Variants in AJAP1 observed in about 807,000 individuals in gnomAD.
AJAP1 encodes adherens junction-associated protein 1.
A neutral mutation model predicts 35.0 loss-of-function variants in AJAP1; 5 were observed. That is an observed-to-expected ratio of 0.14 (90% CI 0.07 to 0.30). AJAP1 has a LOEUF of 0.30. AJAP1 is among the 10% of genes least tolerant of loss of function. The pLI is 1.00. For synonymous variants in AJAP1, 284 were observed against 249.3 expected (o/e 1.14, Z -1.31); for missense variants, 586 against 571.0 (o/e 1.03, Z -0.27).
chr1:4,662,218 A>C (rs1334845889), intron 1 of AJAP1, among the ~76,000 whole-genome samples: 6 of 152,146 alleles, frequency 3.9e-5, no homozygotes. Context: ...CACCCCTGAT[A>C]AGATCCCTTT....
intron 1 of AJAP1, among the ~76,000 whole-genome samples, chr1:4,658,994 A>G (rs1412204122): frequency 2.6e-5 from 4 of 151,940 alleles, no homozygotes; most frequent in Admixed American, 2.0e-4. Context: ...CCCACACACA[A>G]ATGGGGTGTT....
chr1:4,707,919 C>T (rs561793988), intron 1 of AJAP1, among the ~76,000 whole-genome samples: 10 of 150,030 alleles, frequency 6.7e-5, no homozygotes, highest in Non-Finnish European at 1.2e-4. Context: ...TGTTCTCTGT[C>T]TTTCTGCTTG....
At chr1:4,678,979 G>C (rs11809397) in intron 1 of AJAP1, among the ~76,000 whole-genome samples, 538 of 152,314 alleles carry the variant, frequency 3.5e-3, no homozygotes, top group African/African-American at 0.012. Context: ...GAGATGTTCA[G>C]TAACTTGCAC....
At chr1:4,711,337 T>C (rs1394021700) in intron 1 of AJAP1, among the ~76,000 whole-genome samples, 1 of 152,148 alleles carries the variant, frequency 6.6e-6, no homozygotes, top group African/African-American at 2.4e-5. Context: ...GCGCTCACGC[T>C]GCGAGGTTTC....
chr1:4,715,776 A>G (rs528284801), intron 2 of AJAP1, among the ~76,000 whole-genome samples: 5 of 152,238 alleles, frequency 3.3e-5, no homozygotes, highest in Non-Finnish European at 7.3e-5. Flanking sequence ...GCGCTGAACA[A>G]TTCTCCATAC....
chr1:4,655,330 G>A lies in AJAP1; in HGVS notation c.-96G>A. The A allele has an allele frequency of 8.5e-7, 1 of 1,179,740 alleles. No individual in the cohort carries two copies. The highest frequency in any genetic ancestry group is 3.6e-5 in the Admixed American group (1 of 28,108). The allele number at this position is 1,179,740 out of a possible 1,614,324, so 73.1% of individuals were successfully genotyped here. ...GCGGGAGGCGGCGGACCGAGAGCCG[G>A]AGACCGGCGCCGCGGGACGGAAGCG... On this transcript the variant is annotated 5_prime_UTR_variant, in exon 1 of 6. Coordinates refer to ENST00000378191, the MANE Select transcript of AJAP1 (RefSeq NM_018836.4). The surrounding 1 kb of genome is among the most constrained non-coding windows in gnomAD (Gnocchi z 6.9).
chr1:4,660,688 G>T (rs368379822), intron 1 of AJAP1, among the ~76,000 whole-genome samples: 49 of 152,198 alleles, frequency 3.2e-4, no homozygotes, highest in African/African-American at 1.1e-3. Context: ...GTATTTAACA[G>T]CAGTCAAAGG....
At chr1:4,769,482 G>T (rs1641782030) in intron 2 of AJAP1, among the ~76,000 whole-genome samples, 1 of 152,166 alleles carries the variant, frequency 6.6e-6, no homozygotes, top group Non-Finnish European at 1.5e-5. Context: ...GGGCCATGGG[G>T]AATATCTCAC....
rs533168013 is a variant in AJAP1, at chr1:4,786,831, A to G, written c.*4346A>G. The G allele has an allele frequency of 6.6e-6, 1 of 152,352 alleles. No individual in the cohort carries two copies. The highest frequency in any genetic ancestry group is 1.9e-4 in the East Asian group (1 of 5,182). 9.4% of individuals were successfully genotyped at this position (152,352 alleles called of 1,614,324 possible). ...CTCATACTTATTTCAAGATGGCACC[A>G]GGACACACCTTCTTTTGTCCACCTG... On this transcript the variant is annotated 3_prime_UTR_variant, in exon 6 of 6. Transcript: ENST00000378191.
chr1:4,779,783 G>A (rs1440514591), intron 5 of AJAP1, among the ~76,000 whole-genome samples: 1 of 152,002 alleles, frequency 6.6e-6, no homozygotes, highest in African/African-American at 2.4e-5. Context: ...CTAGCTTCTG[G>A]TGGCCCGAGG....
At chr1:4,705,395 CTTTTTTTTTTTTTTTTTT>C (rs58022692) in intron 1 of AJAP1, among the ~76,000 whole-genome samples, 9 of 23,802 alleles carry the variant, frequency 3.8e-4, no homozygotes, top group Middle Eastern at 0.038. Context: ...TTTTGAAGAG[CTTTTTTTTTTTTTTTTTT>C]TTTTTTTTTT....
Position 4,754,684 on chromosome 1 carries a change from C to T in AJAP1, c.830-15169C>T, listed in dbSNP as rs116363756. ...CTATTTGTTTGTTTCTGTTTGTTTTCGGTGACGGGGCCTCAGTCTTGTGCT... is the reference window on the plus strand; with the variant it reads ...CTATTTGTTTGTTTCTGTTTGTTTTTGGTGACGGGGCCTCAGTCTTGTGCT... On this transcript the variant is annotated intron_variant, in intron 2 of 5. Transcript: ENST00000378191. Among the ~76,000 whole-genome samples, 783 of 152,312 alleles carry T rather than the reference C, an allele frequency of 5.1e-3. 13 individuals are homozygous for T. The highest frequency in any genetic ancestry group is 0.017 in the African/African-American group (713 of 41,570).
intron 1 of AJAP1, among the ~76,000 whole-genome samples, chr1:4,694,662 G>T (rs1570120950): frequency 6.6e-6 from 1 of 152,256 alleles, no homozygotes; most frequent in East Asian, 1.9e-4. Context: ...TGGGCAGGTG[G>T]AGGTAAGGAG....
Position 4,692,442 on chromosome 1 carries a change from G to A in AJAP1, c.30-19458G>A, listed in dbSNP as rs1200413565. Among the ~76,000 whole-genome samples the A allele has an allele frequency of 6.6e-6, 1 of 152,184 alleles. No homozygotes were observed. The highest frequency in any genetic ancestry group is 1.5e-5 in the Non-Finnish European group (1 of 68,022). On this transcript the variant is annotated intron_variant, in intron 1 of 5. Coordinates refer to ENST00000378191, the MANE Select transcript of AJAP1 (RefSeq NM_018836.4). This position sits in a 1 kb window ranked among gnomAD's most constrained non-coding sequence, Gnocchi z 4.4. ...CCTCCGTGGGACTCATCATTACGAG[G>A]ACTTGTAATTGCTTTGCTGGCTGGG...
intron 1 of AJAP1, among the ~76,000 whole-genome samples, chr1:4,704,057 A>AGGGGTTAAGC (rs1396757940): frequency 6.6e-6 from 1 of 152,156 alleles, no homozygotes; most frequent in Non-Finnish European, 1.5e-5. Flanking sequence ...AGCAAAGGAA[A>AGGGGTTAAGC]AATAGTGCCC....
intron 4 of AJAP1, among the ~76,000 whole-genome samples, chr1:4,772,895 C>G (rs1022900404): frequency 8.5e-5 from 13 of 152,178 alleles, no homozygotes; most frequent in South Asian, 2.1e-4. Context: ...ACAACAGCCC[C>G]CCGACCGGAG....
intron 2 of AJAP1, among the ~76,000 whole-genome samples, chr1:4,718,654 T>A (rs1217873665): frequency 6.6e-6 from 1 of 152,124 alleles, no homozygotes; most frequent in Non-Finnish European, 1.5e-5. Flanking sequence ...AGCTAATTTT[T>A]GTATTTTTAG....
chr1:4,674,697 G>GT (rs1248820044), intron 1 of AJAP1, among the ~76,000 whole-genome samples: 1 of 152,190 alleles, frequency 6.6e-6, no homozygotes, highest in Non-Finnish European at 1.5e-5. Flanking sequence ...CTGGGCTCTG[G>GT]TTCAGTGGGA....
At chr1:4,738,476 G>A (rs76013244) in intron 2 of AJAP1, among the ~76,000 whole-genome samples, 5,479 of 152,300 alleles carry the variant, frequency 0.036, 155 homozygotes, top group Non-Finnish European at 0.055. Context: ...CTCTAGGCGG[G>A]AGGGAAGCCA....
Sources: gnomAD v4.1 joint callset for allele counts (sites outside exome capture counted in the v4.1 genomes callset) on GRCh38, gnomAD v4.1.1 for gene constraint, Gnocchi (gnomAD v3.1) non-coding constraint, MANE v1.5 for transcripts, NCBI Gene and HGNC (gene_info 2026-07-23, HGNC 2026-07-21) for gene names.